GLRA2: variants seen among roughly 807,000 people sequenced by gnomAD.
GLRA2 encodes glycine receptor subunit alpha-2.
A neutral mutation model predicts 31.6 loss-of-function variants in GLRA2; 11 were observed. The ratio of observed to expected loss-of-function variants is 0.35; its 90% CI spans 0.22 to 0.58. The LOEUF (loss-of-function observed/expected upper bound fraction) is 0.58, where lower values mean the gene tolerates loss of function less well. Among genes scored for constraint, GLRA2 ranks in the 20% least tolerant of loss-of-function variants. The pLI, the probability that GLRA2 is intolerant of heterozygous loss-of-function variation, is 0.84. For missense variants in GLRA2, 212 were observed against 351.8 expected, an observed-to-expected ratio of 0.60 and a Z score of 3.18; for synonymous variants, 132 against 134.0, an observed-to-expected ratio of 0.99 and a Z score of 0.10.
At chrX:14,661,695 A>G (rs747296294) in intron 7 of GLRA2, among the ~76,000 whole-genome samples, 2 of 109,193 alleles carry the variant, frequency 1.8e-5, no homozygotes, top group East Asian at 5.7e-4. Flanking sequence ...AACACGGCAA[A>G]ACCCTGTCTC....
the GLRA2 span, among the ~76,000 whole-genome samples, chrX:14,477,902 T>C: frequency 9.0e-6 from 1 of 110,993 alleles, no homozygotes; most frequent in Admixed American, 9.6e-5. Context: ...GCACAGCTGA[T>C]CAGCCAGACT....
At chrX:14,529,521 T>A (rs925902717), upstream of GLRA2, 3 of 113,159 alleles carry the variant, frequency 2.7e-5, no homozygotes, top group East Asian at 5.7e-4. Flanking sequence ...ATAGGCTGGG[T>A]AAGATCACGT....
the GLRA2 span, among the ~76,000 whole-genome samples, chrX:14,449,693 C>G: frequency 4.4e-5 from 5 of 112,377 alleles, no homozygotes; most frequent in African/African-American, 1.3e-4. Flanking sequence ...TTGCCTGCAG[C>G]CTGGGAGCAG....
intron 2 of GLRA2, among the ~76,000 whole-genome samples, chrX:14,540,922 G>C (rs763526115): frequency 2.8e-5 from 3 of 107,919 alleles, no homozygotes; most frequent in African/African-American, 1.0e-4. Context: ...AAGGGAGAGA[G>C]ACAGGAAGAG....
At chrX:14,652,585 CTGTT>C (rs1159984087) in intron 7 of GLRA2, among the ~76,000 whole-genome samples, 1 of 111,276 alleles carries the variant, frequency 9.0e-6, no homozygotes, top group Admixed American at 9.6e-5. Flanking sequence ...ATTGTTATGT[CTGTT>C]ATGGTGATTT....
the GLRA2 span, among the ~76,000 whole-genome samples, chrX:14,487,009 C>G: frequency 1.8e-5 from 2 of 110,322 alleles, no homozygotes; most frequent in African/African-American, 6.6e-5. Flanking sequence ...TGAAGAACTT[C>G]AGAGGTTTGG....
chrX:14,540,418 G>A (rs777801346), intron 2 of GLRA2, among the ~76,000 whole-genome samples: 1 of 111,271 alleles, frequency 9.0e-6, no homozygotes, highest in Non-Finnish European at 1.9e-5. Flanking sequence ...TCCAGACCTT[G>A]CCCTCCTCCT....
At chrX:14,450,165 G>T in the GLRA2 span, among the ~76,000 whole-genome samples, 1 of 112,305 alleles carries the variant, frequency 8.9e-6, no homozygotes, top group Non-Finnish European at 1.9e-5. Context: ...TCAGGCTACA[G>T]GTGCCATACA....
At chrX:14,449,696 G>T in the GLRA2 span, among the ~76,000 whole-genome samples, 1 of 112,346 alleles carries the variant, frequency 8.9e-6, no homozygotes, top group Middle Eastern at 4.6e-3. Context: ...CCTGCAGCCT[G>T]GGAGCAGTTC....
chrX:14,724,392 G>A (rs907329324), intron 8 of GLRA2, among the ~76,000 whole-genome samples: 5 of 109,907 alleles, frequency 4.5e-5, no homozygotes, highest in African/African-American at 1.3e-4. Flanking sequence ...TTGGGAGGCC[G>A]AAGCGGGTGC....
At chrX:14,541,116 G>A (rs2089398370) in intron 2 of GLRA2, among the ~76,000 whole-genome samples, 1 of 111,785 alleles carries the variant, frequency 8.9e-6, no homozygotes, top group South Asian at 3.8e-4. Context: ...TTCCCTCCAG[G>A]CTCCCCATGC....
At chrX:14,475,488 T>G in the GLRA2 span, among the ~76,000 whole-genome samples, 1 of 112,117 alleles carries the variant, frequency 8.9e-6, no homozygotes, top group Non-Finnish European at 1.9e-5. Context: ...TGGAGTGTTG[T>G]TAAAATGCAG....
chrX:14,649,005 A>G (rs1247517873), intron 7 of GLRA2, among the ~76,000 whole-genome samples: 3 of 111,309 alleles, frequency 2.7e-5, no homozygotes, highest in Admixed American at 9.5e-5. Flanking sequence ...CACAAGGTCA[A>G]GAGATCGAGA....
intron 2 of GLRA2, among the ~76,000 whole-genome samples, chrX:14,568,706 A>AG (rs2089841022): frequency 3.2e-5 from 2 of 63,177 alleles, no homozygotes; most frequent in African/African-American, 1.6e-4. Context: ...AAAAAAAAAA[A>AG]AAAGAAAAGA....
At chrX:14,696,336 C>T (rs1192697686) in intron 8 of GLRA2, among the ~76,000 whole-genome samples, 2 of 110,109 alleles carry the variant, frequency 1.8e-5, no homozygotes, top group Non-Finnish European at 3.8e-5. Flanking sequence ...GGAAGAGACA[C>T]TGTATTCAAG....
At chrX:14,524,369 A>G (rs189227995), upstream of GLRA2, among the ~76,000 whole-genome samples, 319 of 111,864 alleles carry the variant, frequency 2.9e-3, 1 homozygote, top group African/African-American at 0.01. Flanking sequence ...TATAGTGAGA[A>G]GAGAGTCTAT....
intron 4 of GLRA2, among the ~76,000 whole-genome samples, chrX:14,594,035 T>C (rs891851287): frequency 6.2e-5 from 7 of 112,285 alleles, no homozygotes; most frequent in Admixed American, 2.8e-4. Flanking sequence ...GGATGGACCA[T>C]CCTATCAACT....
chrX:14,696,673 A>G (rs767853851), intron 8 of GLRA2, among the ~76,000 whole-genome samples: 30 of 112,062 alleles, frequency 2.7e-4, no homozygotes, highest in Non-Finnish European at 5.3e-4. Context: ...AGTGAAGTCT[A>G]ATGACCTGAG....
upstream of GLRA2, among the ~76,000 whole-genome samples, chrX:14,526,720 C>T (rs892050006): frequency 8.9e-6 from 1 of 111,838 alleles, no homozygotes; most frequent in Non-Finnish European, 1.9e-5. Context: ...GTTTAAGCAG[C>T]TTTTGAGACA....
Sources: gnomAD v4.1 joint callset for allele counts (sites outside exome capture counted in the v4.1 genomes callset) on GRCh38, gnomAD v4.1.1 for gene constraint, MANE v1.5 for transcripts, NCBI Gene and HGNC (gene_info 2026-07-23, HGNC 2026-07-21) for gene names.